Variants in CCDC192 observed in about 807,000 individuals in gnomAD.
CCDC192 encodes the protein coiled-coil domain-containing protein 192.
intron 6 of CCDC192, among the ~76,000 whole-genome samples, chr5:127,914,456 A>G (rs61140524): frequency 0.011 from 1,616 of 152,282 alleles, 31 homozygotes; most frequent in African/African-American, 0.037. Context: ...GCCTCCCATC[A>G]GTTCATATCA....
intron 6 of CCDC192, among the ~76,000 whole-genome samples, chr5:127,938,618 T>TA (rs1754252811): frequency 6.6e-6 from 1 of 152,240 alleles, no homozygotes. Flanking sequence ...TAAATTATTT[T>TA]AAAAATACAT....
chr5:127,703,281 A>G (rs1750780368), upstream of CCDC192: 1 of 391,606 alleles, frequency 2.6e-6, no homozygotes, highest in Admixed American at 4.4e-5. Context: ...GCAGCTTTGT[A>G]ACGGAGATTT....
intron 2 of CCDC192, among the ~76,000 whole-genome samples, chr5:127,722,789 G>C (rs981455808): frequency 5.9e-5 from 9 of 152,088 alleles, no homozygotes; most frequent in Non-Finnish European, 1.3e-4. Flanking sequence ...ATTTATTTCT[G>C]CATTCTCTAT....
chr5:127,874,201 T>G (rs1434425654), intron 5 of CCDC192, among the ~76,000 whole-genome samples: 1 of 152,190 alleles, frequency 6.6e-6, no homozygotes, highest in Non-Finnish European at 1.5e-5. Flanking sequence ...TCACCTGGAT[T>G]GTGCTGGCTG....
chr5:127,820,497 G>A (rs1030682649), intron 5 of CCDC192, among the ~76,000 whole-genome samples: 4 of 152,152 alleles, frequency 2.6e-5, no homozygotes, highest in African/African-American at 7.2e-5. Context: ...CAGGAGAATC[G>A]CTTGAACCCA....
chr5:127,709,102 G>GGAGAGA (rs540628735), intron 2 of CCDC192, among the ~76,000 whole-genome samples: 18 of 57,378 alleles, frequency 3.1e-4, no homozygotes, highest in African/African-American at 4.1e-4. Context: ...AGTGGGAGCA[G>GGAGAGA]GAGAGAGAGA....
intron 5 of CCDC192, among the ~76,000 whole-genome samples, chr5:127,802,768 T>C (rs909568681): frequency 3.9e-5 from 6 of 152,216 alleles, no homozygotes; most frequent in African/African-American, 1.4e-4. Context: ...TCTGGCTCGA[T>C]GTCTTGTACA....
chr5:127,898,112 G>GTTT (rs200561865), intron 6 of CCDC192, among the ~76,000 whole-genome samples: 1 of 145,332 alleles, frequency 6.9e-6, no homozygotes, highest in Non-Finnish European at 1.5e-5. Flanking sequence ...ATATGGTCCA[G>GTTT]TTTTTTTTTT....
chr5:127,763,604 C>G (rs1755050834), intron 3 of CCDC192, among the ~76,000 whole-genome samples: 1 of 152,184 alleles, frequency 6.6e-6, no homozygotes, highest in African/African-American at 2.4e-5. Flanking sequence ...CAAATCTGTC[C>G]TCTAACAGAT....
At chr5:127,835,027 C>T (rs1749971745) in intron 5 of CCDC192, among the ~76,000 whole-genome samples, 2 of 152,114 alleles carry the variant, frequency 1.3e-5, no homozygotes, top group South Asian at 4.2e-4. Context: ...TCAACTGTCT[C>T]AGAAAGCATA....
chr5:127,792,920 C>A (rs191265543), intron 3 of CCDC192, among the ~76,000 whole-genome samples: 1 of 152,096 alleles, frequency 6.6e-6, no homozygotes, highest in African/African-American at 2.4e-5. Flanking sequence ...TAGAAGGGTT[C>A]AATAGCAGAT....
intron 2 of CCDC192, among the ~76,000 whole-genome samples, chr5:127,727,380 GA>G (rs1385073302): frequency 6.6e-6 from 1 of 152,068 alleles, no homozygotes; most frequent in African/African-American, 2.4e-5. Flanking sequence ...GCTGAAGCAG[GA>G]GAATCACTTG....
chr5:127,921,125 G>A (rs1045852113), intron 6 of CCDC192, among the ~76,000 whole-genome samples: 1 of 149,204 alleles, frequency 6.7e-6, no homozygotes, highest in African/African-American at 2.5e-5. Flanking sequence ...GAAAGGAGAG[G>A]AAAGGACAGG....
At chr5:127,771,105 CA>C (rs1400049294) in intron 3 of CCDC192, among the ~76,000 whole-genome samples, 14 of 151,872 alleles carry the variant, frequency 9.2e-5, no homozygotes, top group African/African-American at 3.1e-4. Flanking sequence ...AGTCTTTTTT[CA>C]ATTTCTACTG....
chr5:127,752,416 A>G (rs1352306114), intron 2 of CCDC192, among the ~76,000 whole-genome samples: 1 of 152,134 alleles, frequency 6.6e-6, no homozygotes, highest in Non-Finnish European at 1.5e-5. Context: ...CCTCCCAGTT[A>G]GGCTGCTCGG....
chr5:127,813,711 C>G (rs1027788005), intron 5 of CCDC192, among the ~76,000 whole-genome samples: 4 of 152,088 alleles, frequency 2.6e-5, no homozygotes, highest in Non-Finnish European at 4.4e-5. Context: ...CAGACTTGTT[C>G]AAGCAGATGT....
chr5:127,870,984 C>T (rs1465374226), intron 5 of CCDC192, among the ~76,000 whole-genome samples: 1 of 152,204 alleles, frequency 6.6e-6, no homozygotes, highest in African/African-American at 2.4e-5. Flanking sequence ...GAAGACAAAA[C>T]CCCTTTGTTA....
intron 6 of CCDC192, among the ~76,000 whole-genome samples, chr5:127,933,023 T>G (rs1383240325): frequency 6.6e-6 from 1 of 152,180 alleles, no homozygotes; most frequent in East Asian, 1.9e-4. Flanking sequence ...TATACAATTG[T>G]GCAGGCAGAG....
chr5:127,841,278 T>G, intron 5 of CCDC192, among the ~76,000 whole-genome samples: 1 of 152,136 alleles, frequency 6.6e-6, no homozygotes. Flanking sequence ...TTTCGGAGTA[T>G]ATTATAACCT....
Sources: gnomAD v4.1 joint callset for allele counts (sites outside exome capture counted in the v4.1 genomes callset) on GRCh38, gnomAD v4.1.1 for gene constraint, MANE v1.5 for transcripts, NCBI Gene and HGNC (gene_info 2026-07-23, HGNC 2026-07-21) for gene names.